The following XKR6 variants were observed in gnomAD, a reference collection of about 807,000 sequenced individuals.
The protein encoded by XKR6 is XK related 6.
XKR6 carries 22 observed loss-of-function variants against 56.7 expected under a neutral mutation model. The ratio of observed to expected loss-of-function variants is 0.39; its 90% confidence interval spans 0.28 to 0.55. The LOEUF is 0.55. Ranked by LOEUF, XKR6 falls within the 20% of genes least tolerant of loss-of-function variation. The pLI is 0.66. For synonymous variants in XKR6, 524 were observed against 387.8 expected, an observed-to-expected ratio of 1.35 and a Z score of -4.13; for missense variants, 852 against 889.0, an observed-to-expected ratio of 0.96 and a Z score of 0.53.
intron 1 of XKR6, among the ~76,000 whole-genome samples, chr8:10,938,694 G>C (rs1012000478): frequency 6.6e-6 from 1 of 152,174 alleles, no homozygotes; most frequent in African/African-American, 2.4e-5. Context: ...TGAAATTAAG[G>C]CATGATTTGC....
chr8:11,060,054 T>C (rs968879521), intron 1 of XKR6, among the ~76,000 whole-genome samples: 1 of 152,148 alleles, frequency 6.6e-6, no homozygotes, highest in African/African-American at 2.4e-5. Context: ...TCCATTCTTT[T>C]AAAGCATTCT....
chr8:10,924,670 T>C lies in XKR6; in HGVS notation c.925A>G (p.Ile309Val). 2.5e-6 allele frequency: 4 copies of C among 1,612,640 alleles called. No homozygotes were observed. The highest frequency in any genetic ancestry group is 2.5e-6 in the Non-Finnish European group (3 of 1,179,810). ...TCGGCGCTGTTCTTCTGGAGCATGA[T>C]GTAGAGCTGTAGCACCAGTTGGGGC... ...SAPQLVLQLY[I>V]MLQKNSAETL... The change falls in exon 2 of 3, where the codon ATC becomes GTC. Residue 309 changes from isoleucine to valine, a missense_variant. Physicochemically the swap from Ile to Val is conservative, Grantham distance 29 (BLOSUM62 3). This residue lies in a region of XKR6 where 199 missense variants were observed against 280.4 expected (regional missense o/e 0.71). Transcript: ENST00000416569.
intron 1 of XKR6, among the ~76,000 whole-genome samples, chr8:11,144,254 G>A (rs1047721226): frequency 2.0e-5 from 3 of 150,554 alleles, no homozygotes; most frequent in South Asian, 4.2e-4. Flanking sequence ...GTGTGTGTGT[G>A]TATCTAAAGT....
At chr8:10,905,950 G>A (rs140506347) in intron 2 of XKR6, among the ~76,000 whole-genome samples, 1 of 152,294 alleles carries the variant, frequency 6.6e-6, no homozygotes, top group African/African-American at 2.4e-5. Context: ...GGAGTGATGT[G>A]ACAAAGGTAC....
intron 2 of XKR6, among the ~76,000 whole-genome samples, chr8:10,902,651 G>T (rs950453920): frequency 6.6e-6 from 1 of 152,194 alleles, no homozygotes; most frequent in Non-Finnish European, 1.5e-5. Flanking sequence ...GGGTTCGAAC[G>T]CCAGGCCATA....
intron 1 of XKR6, among the ~76,000 whole-genome samples, chr8:10,991,425 G>T (rs569637257): frequency 1.3e-5 from 2 of 152,220 alleles, no homozygotes; most frequent in African/African-American, 4.8e-5. Flanking sequence ...TTAACTGACT[G>T]GCCTGAGGAT....
intron 1 of XKR6, chr8:11,107,769 T>C (rs2129178282): frequency 6.5e-6 from 1 of 154,938 alleles, no homozygotes; most frequent in East Asian, 1.9e-4. Flanking sequence ...GCTAGGTTCA[T>C]CCGCAACAGA....
intron 1 of XKR6, among the ~76,000 whole-genome samples, chr8:11,089,022 G>C (rs897350718): frequency 2.0e-5 from 3 of 152,212 alleles, no homozygotes; most frequent in African/African-American, 7.2e-5. Flanking sequence ...GTGTCATATA[G>C]TCAGAGTAAG....
chr8:10,950,769 C>T (rs1331509242), intron 1 of XKR6, among the ~76,000 whole-genome samples: 1 of 152,228 alleles, frequency 6.6e-6, no homozygotes, highest in Non-Finnish European at 1.5e-5. Flanking sequence ...GCTGGCCAAA[C>T]CTTCGCCTCC....
At chr8:11,112,697 C>T (rs776462908) in intron 1 of XKR6, among the ~76,000 whole-genome samples, 8 of 152,100 alleles carry the variant, frequency 5.3e-5, no homozygotes, top group Admixed American at 1.3e-4. Flanking sequence ...AAGAACAAGG[C>T]GAAGCTGGCC....
At chr8:10,968,363 G>A (rs1476394721) in intron 1 of XKR6, among the ~76,000 whole-genome samples, 1 of 152,252 alleles carries the variant, frequency 6.6e-6, no homozygotes, top group Non-Finnish European at 1.5e-5. Context: ...AAATGAATCA[G>A]TAGAATGTGT....
chr8:11,029,293 G>T (rs374685510), intron 1 of XKR6, among the ~76,000 whole-genome samples: 1 of 152,150 alleles, frequency 6.6e-6, no homozygotes, highest in Non-Finnish European at 1.5e-5. Flanking sequence ...GTCATCAGTT[G>T]TCCCTTTAGG....
At chr8:11,114,297 C>A (rs1799054285) in intron 1 of XKR6, among the ~76,000 whole-genome samples, 1 of 152,138 alleles carries the variant, frequency 6.6e-6, no homozygotes, top group Non-Finnish European at 1.5e-5. Context: ...CAACTGAAAT[C>A]CAAGTTGGTT....
intron 1 of XKR6, among the ~76,000 whole-genome samples, chr8:11,116,840 C>T (rs531131668): frequency 6.0e-4 from 91 of 152,200 alleles, no homozygotes; most frequent in African/African-American, 2.0e-3. Context: ...AGGTTACAGT[C>T]GACAACAACT....
chr8:11,126,425 T>C lies in XKR6; in HGVS notation c.764+74151A>G, dbSNP rs150541570. ...CTCTACATTTTCTTATGCTACATTT[T>C]ATCTTGTTTTTGGCCTACTACTCAG... On this transcript the variant is annotated intron_variant, in intron 1 of 2. Transcript: ENST00000416569. Among the ~76,000 whole-genome samples the C allele has an allele frequency of 7.9e-3, 1,203 of 152,328 alleles. 9 individuals are homozygous for C. The highest frequency in any genetic ancestry group is 0.012 in the Non-Finnish European group (840 of 68,022).
chr8:11,116,153 T>A (rs1196412776), intron 1 of XKR6, among the ~76,000 whole-genome samples: 1 of 152,232 alleles, frequency 6.6e-6, no homozygotes, highest in African/African-American at 2.4e-5. Context: ...AACTGTATGC[T>A]GGTCTTATGT....
At chr8:10,937,572 G>A (rs1363566654) in intron 1 of XKR6, among the ~76,000 whole-genome samples, 1 of 149,120 alleles carries the variant, frequency 6.7e-6, no homozygotes, top group Non-Finnish European at 1.5e-5. Flanking sequence ...TGTACAGATG[G>A]GTTTTCGGTG....
chr8:11,000,788 G>A lies in XKR6; in HGVS notation c.765-75958C>T, dbSNP rs976283958. On this transcript the variant is annotated intron_variant, in intron 1 of 2. Coordinates refer to ENST00000416569, the MANE Select transcript of XKR6 (RefSeq NM_173683.4). ...AGTTCATCTTCTCATGGTGGAGAAG[G>A]CTGTTTTTAACTGGATGTGAAGGGC... 3.3e-5 allele frequency among the ~76,000 whole-genome samples: 5 copies of A among 152,310 alleles called. No homozygotes were observed. In the South Asian group the frequency reaches 8.3e-4, roughly 25 times the overall value.
chr8:10,961,262 G>C (rs1802051092), intron 1 of XKR6, among the ~76,000 whole-genome samples: 2 of 152,230 alleles, frequency 1.3e-5, no homozygotes, highest in African/African-American at 4.8e-5. Flanking sequence ...TCCGGCTCTA[G>C]TGTGCCCACC....
Sources: gnomAD v4.1 joint callset for allele counts (sites outside exome capture counted in the v4.1 genomes callset) on GRCh38, gnomAD v4.1.1 for gene constraint, gnomAD v4.1.1 regional missense constraint, MANE v1.5 for transcripts, NCBI Gene and HGNC (gene_info 2026-07-23, HGNC 2026-07-21) for gene names.